The following KCNJ3 variants were observed in gnomAD, a reference collection of about 807,000 sequenced individuals.
KCNJ3 encodes G protein-activated inward rectifier potassium channel 1.
A neutral mutation model predicts 39.2 loss-of-function variants in KCNJ3; 4 were observed. That is an observed-to-expected ratio of 0.10 (90% CI 0.05 to 0.23). The LOEUF (loss-of-function observed/expected upper bound fraction) is 0.23, where lower values mean the gene tolerates loss of function less well. KCNJ3 is among the 10% of genes least tolerant of loss of function. KCNJ3 has a pLI of 1.00. For missense variants in KCNJ3, 276 were observed against 634.9 expected (o/e 0.43, Z 6.08); for synonymous variants, 230 against 237.4 (o/e 0.97, Z 0.29).
At chr2:154,853,778 T>C (rs1240549845) in intron 2 of KCNJ3, among the ~76,000 whole-genome samples, 2 of 152,142 alleles carry the variant, frequency 1.3e-5, no homozygotes, top group Admixed American at 6.5e-5. Context: ...TCGAAATAAA[T>C]GATTTATGAA....
chr2:154,855,118 T>A lies in KCNJ3; in HGVS notation c.1311T>A (p.Leu437=). The A allele has an allele frequency of 6.2e-7, 1 of 1,613,982 alleles. No individual in the cohort carries two copies. The highest frequency in any genetic ancestry group is 8.5e-7 in the Non-Finnish European group (1 of 1,179,948). The change falls in exon 3 of 3, where the codon CTT becomes CTA. Residue 437 remains leucine (L), a synonymous_variant. Transcript: ENST00000295101. ...GCTTGGGAGACTTGCCCATGAAACT[T>A]CAACGAATAAGTTCAGTTCCGGGCA... The part of the protein sequence containing the change: ...AYSLGDLPMK[L]QRISSVPGNS...
intron 2 of KCNJ3, among the ~76,000 whole-genome samples, chr2:154,757,008 A>C (rs1685949834): frequency 6.6e-6 from 1 of 152,094 alleles, no homozygotes; most frequent in African/African-American, 2.4e-5. Flanking sequence ...AAAATGTATA[A>C]AATAGGATAA....
chr2:154,744,383 A>G (rs998145430), intron 2 of KCNJ3, among the ~76,000 whole-genome samples: 4 of 151,554 alleles, frequency 2.6e-5, no homozygotes, highest in African/African-American at 7.3e-5. Context: ...GTTTTTTTGG[A>G]AGGTATTGTT....
chr2:154,816,268 G>A (rs1574472744), intron 2 of KCNJ3, among the ~76,000 whole-genome samples: 1 of 152,088 alleles, frequency 6.6e-6, no homozygotes, highest in African/African-American at 2.4e-5. Flanking sequence ...AAAGAATATT[G>A]GTTGTTGGGA....
chr2:154,801,130 T>A (rs1686810988), intron 2 of KCNJ3, among the ~76,000 whole-genome samples: 1 of 152,192 alleles, frequency 6.6e-6, no homozygotes, highest in Non-Finnish European at 1.5e-5. Context: ...TTGACTGACC[T>A]TTGTCAGCTC....
intron 2 of KCNJ3, among the ~76,000 whole-genome samples, chr2:154,817,862 C>T (rs571049099): frequency 1.9e-4 from 29 of 152,284 alleles, no homozygotes; most frequent in African/African-American, 7.0e-4. Context: ...ATAAAACCCA[C>T]ATCCCAAATA....
At chr2:154,777,715 T>C (rs192129601) in intron 2 of KCNJ3, among the ~76,000 whole-genome samples, 117 of 152,344 alleles carry the variant, frequency 7.7e-4, no homozygotes, top group African/African-American at 2.6e-3. Flanking sequence ...TTGAAATGTA[T>C]TTCTTCAGTA....
At chr2:154,831,755 T>C (rs370743048) in intron 2 of KCNJ3, among the ~76,000 whole-genome samples, 1 of 152,226 alleles carries the variant, frequency 6.6e-6, no homozygotes, top group African/African-American at 2.4e-5. Flanking sequence ...TCAGGGAACA[T>C]TGCTTTGATT....
intron 2 of KCNJ3, among the ~76,000 whole-genome samples, chr2:154,812,900 A>G (rs1687026788): frequency 6.6e-6 from 1 of 152,150 alleles, no homozygotes. Flanking sequence ...AATAATCGTA[A>G]GTAAGATTTA....
At chr2:154,851,251 A>T (rs1037092) in intron 2 of KCNJ3, among the ~76,000 whole-genome samples, 107,119 of 151,960 alleles carry the variant, frequency 0.7, 39,523 homozygotes, top group East Asian at 0.94. Context: ...GAAAAAAAAA[A>T]AATTGTTATC....
intron 2 of KCNJ3, among the ~76,000 whole-genome samples, chr2:154,802,262 G>A (rs763603351): frequency 1.3e-5 from 2 of 151,770 alleles, no homozygotes; most frequent in Non-Finnish European, 2.9e-5. Context: ...GTTGTTTACA[G>A]TGACATAAAA....
chr2:154,716,259 G>T (rs1685177329), intron 2 of KCNJ3, among the ~76,000 whole-genome samples: 1 of 145,862 alleles, frequency 6.9e-6, no homozygotes. Flanking sequence ...ACAGGTGCCT[G>T]CCACCACGGC....
intron 1 of KCNJ3, among the ~76,000 whole-genome samples, chr2:154,706,581 C>T (rs1289215148): frequency 6.6e-6 from 1 of 152,022 alleles, no homozygotes; most frequent in African/African-American, 2.4e-5. Context: ...GTTCCTTGAA[C>T]AAACATTCAA....
intron 2 of KCNJ3, among the ~76,000 whole-genome samples, chr2:154,848,107 C>T (rs1687691277): frequency 6.6e-6 from 1 of 152,100 alleles, no homozygotes; most frequent in African/African-American, 2.4e-5. Flanking sequence ...TACACATATA[C>T]ATATACCACC....
At chr2:154,738,118 G>T (rs766835474) in intron 2 of KCNJ3, among the ~76,000 whole-genome samples, 2 of 152,062 alleles carry the variant, frequency 1.3e-5, no homozygotes, top group Non-Finnish European at 2.9e-5. Context: ...CCAGTCATTT[G>T]CAACAACATG....
chr2:154,723,369 G>T (rs1005947627), intron 2 of KCNJ3, among the ~76,000 whole-genome samples: 1 of 152,096 alleles, frequency 6.6e-6, no homozygotes, highest in Admixed American at 6.6e-5. Flanking sequence ...TGAGGTATAC[G>T]AAGAGGAATA....
chr2:154,767,904 T>C (rs1574454871), intron 2 of KCNJ3, among the ~76,000 whole-genome samples: 1 of 152,188 alleles, frequency 6.6e-6, no homozygotes, highest in South Asian at 2.1e-4. Flanking sequence ...TGGTATCTCA[T>C]TGTGGTTTTG....
chr2:154,753,960 C>T lies in KCNJ3; in HGVS notation c.919+44141C>T, dbSNP rs543973211. 5.3e-4 allele frequency among the ~76,000 whole-genome samples: 80 copies of T among 152,216 alleles called. 1 individual carries two copies. In the Middle Eastern group the frequency reaches 0.02, roughly 39 times the overall value. ...CCTTTCAGAACCATAGTACAATTAT[C>T]AAAAACAGAAAATTAGCATTGACTC... On this transcript the variant is annotated intron_variant, in intron 2 of 2. Transcript: ENST00000295101.
intron 2 of KCNJ3, among the ~76,000 whole-genome samples, chr2:154,853,753 TTGATTG>T (rs946814554): frequency 9.2e-5 from 14 of 152,176 alleles, no homozygotes; most frequent in African/African-American, 3.4e-4. Flanking sequence ...GTTGACTGAT[TTGATTG>T]TAACACAATC....
Sources: allele counts gnomAD v4.1 joint callset (sites outside exome capture counted in the v4.1 genomes callset), GRCh38; gene constraint gnomAD v4.1.1; transcripts MANE v1.5; gene names NCBI Gene and HGNC (gene_info 2026-07-23, HGNC 2026-07-21).